KCNK13: variants seen among roughly 807,000 people sequenced by gnomAD.
KCNK13 encodes the protein potassium channel subfamily K member 13.
Under a neutral mutation model 23.4 loss-of-function variants are expected in KCNK13, and 12 were observed. That is an observed-to-expected ratio of 0.51 (90% CI 0.33 to 0.83). The LOEUF (loss-of-function observed/expected upper bound fraction) is 0.83, where lower values mean the gene tolerates loss of function less well. Ranked by LOEUF, KCNK13 falls within the 40% of genes least tolerant of loss-of-function variation. KCNK13 has a pLI of 0.02. For synonymous variants in KCNK13, 231 were observed against 229.5 expected (o/e 1.01, Z -0.06); for missense variants, 463 against 556.3 (o/e 0.83, Z 1.69).
At chr14:90,087,129 C>CATATAT (rs141670518) in intron 1 of KCNK13, among the ~76,000 whole-genome samples, 135 of 124,666 alleles carry the variant, frequency 1.1e-3, no homozygotes, top group African/African-American at 2.3e-3. Context: ...TATATATATA[C>CATATAT]ATATATATAT....
rs1199814430 is a variant in KCNK13, at chr14:90,108,109, T to A, written c.334+45570T>A. On this transcript the variant is annotated intron_variant, in intron 1 of 1. Transcript: ENST00000282146. Reference sequence around the variant, plus strand: ...GGGGCACAAACAGCTTTTTTCTTCTTTTGCCTCAGTATTTAAAAGTGGATC... The same window carrying A: ...GGGGCACAAACAGCTTTTTTCTTCTATTGCCTCAGTATTTAAAAGTGGATC... The A allele has an allele frequency of 1.2e-5, 5 of 427,316 alleles. No individual in the cohort carries two copies. The East Asian group carries it at 2.1e-4, about 18-fold the overall frequency. 26.5% of individuals were successfully genotyped at this position (427,316 alleles called of 1,614,324 possible). A position where few individuals can be genotyped will look rare whatever the true frequency, so the allele number is the denominator to read the frequency against.
At chr14:90,151,066 A>T (rs1203597630) in intron 1 of KCNK13, among the ~76,000 whole-genome samples, 1 of 152,036 alleles carries the variant, frequency 6.6e-6, no homozygotes, top group Non-Finnish European at 1.5e-5. Flanking sequence ...CACCTCCCTG[A>T]TTGTAAGTTT....
intron 1 of KCNK13, among the ~76,000 whole-genome samples, chr14:90,120,967 ATTGC>A (rs1889732578): frequency 1.3e-5 from 2 of 152,134 alleles, no homozygotes; most frequent in South Asian, 4.1e-4. Context: ...AAATACACCC[ATTGC>A]AGTCTGTAGC....
chr14:90,169,685 T>C (rs1890342729), intron 1 of KCNK13, among the ~76,000 whole-genome samples: 1 of 152,174 alleles, frequency 6.6e-6, no homozygotes. Flanking sequence ...CCTGGACCTC[T>C]CCATGGGCCT....
chr14:90,121,797 G>A lies in KCNK13; in HGVS notation c.334+59258G>A, dbSNP rs141874111. On this transcript the variant is annotated intron_variant, in intron 1 of 1. Coordinates refer to ENST00000282146, the MANE Select transcript of KCNK13 (RefSeq NM_022054.4). ...TACAGTGGCACAATCTCAGCTCACT[G>A]CAACCTCTGCCTCCCAGGTTCAAGT... 2.1e-3 allele frequency among the ~76,000 whole-genome samples: 324 copies of A among 152,222 alleles called. 4 individuals are homozygous for A. The highest frequency in any genetic ancestry group is 7.2e-3 in the African/African-American group (300 of 41,530).
chr14:90,157,159 G>T (rs1323486335), intron 1 of KCNK13, among the ~76,000 whole-genome samples: 1 of 152,208 alleles, frequency 6.6e-6, no homozygotes, highest in Non-Finnish European at 1.5e-5. Context: ...ATCAAAGATA[G>T]TTTTAAATAT....
intron 1 of KCNK13, among the ~76,000 whole-genome samples, chr14:90,145,604 A>G (rs2140430539): frequency 6.6e-6 from 1 of 152,234 alleles, no homozygotes; most frequent in South Asian, 2.1e-4. Context: ...ATGAATTGGA[A>G]AGCACTTCCT....
intron 1 of KCNK13, among the ~76,000 whole-genome samples, chr14:90,112,253 C>T (rs1889624663): frequency 6.6e-6 from 1 of 152,190 alleles, no homozygotes; most frequent in Non-Finnish European, 1.5e-5. Context: ...CAGGGACTCC[C>T]ACCCACCAAG....
At chr14:90,171,620 A>G (rs536361466) in intron 1 of KCNK13, among the ~76,000 whole-genome samples, 1 of 152,320 alleles carries the variant, frequency 6.6e-6, no homozygotes, top group South Asian at 2.1e-4. Context: ...CAATTAATAT[A>G]TGTCTGGAAA....
intron 1 of KCNK13, among the ~76,000 whole-genome samples, chr14:90,101,901 T>C (rs117709712): frequency 0.015 from 2,277 of 151,356 alleles, 37 homozygotes; most frequent in South Asian, 0.07. Flanking sequence ...CTTTTTTTTT[T>C]AAACGGAGTT....
Position 90,067,891 on chromosome 14 carries a change from G to A in KCNK13, c.334+5352G>A, listed in dbSNP as rs115928915. Among the ~76,000 whole-genome samples, 949 of 152,196 alleles carry A rather than the reference G, an allele frequency of 6.2e-3. 14 individuals carry two copies. The highest frequency in any genetic ancestry group is 0.022 in the African/African-American group (919 of 41,504). On this transcript the variant is annotated intron_variant, in intron 1 of 1. Coordinates refer to ENST00000282146, the MANE Select transcript of KCNK13 (RefSeq NM_022054.4). Reference sequence around the variant, plus strand: ...GAGGTACTCTGCATTTGACAGAGTCGGGGAAGGCTTAGGTTTTGCTGCAGT... The same window carrying A: ...GAGGTACTCTGCATTTGACAGAGTCAGGGAAGGCTTAGGTTTTGCTGCAGT...
At chr14:90,063,054 G>A (rs558623004) in intron 1 of KCNK13, among the ~76,000 whole-genome samples, 2 of 152,198 alleles carry the variant, frequency 1.3e-5, no homozygotes, top group South Asian at 4.2e-4. Context: ...GGAAGCAAAA[G>A]TGCCAATGAC....
chr14:90,168,045 T>C (rs1444986961), intron 1 of KCNK13, among the ~76,000 whole-genome samples: 2 of 152,028 alleles, frequency 1.3e-5, no homozygotes, highest in Non-Finnish European at 2.9e-5. Context: ...TACTGTACCA[T>C]CTGAAATGTT....
At chr14:90,182,756 G>C (rs1252021722) in intron 1 of KCNK13, among the ~76,000 whole-genome samples, 2 of 151,640 alleles carry the variant, frequency 1.3e-5, no homozygotes, top group African/African-American at 4.9e-5. Flanking sequence ...GGTAGTTTTA[G>C]GCTGCAGTGA....
Position 90,062,368 on chromosome 14 carries a change from G to T in KCNK13, c.163G>T (p.Glu55Ter). ...HERQAKQRWEERLANFSRGHN... is the reference protein window; with the variant it reads ...HERQAKQRWE ...GCGCCAGGCCAAGCAGCGCTGGGAG[G>T]AGCGCCTGGCCAACTTCAGCCGCGG... The change falls in exon 1 of 2, where the codon GAG becomes TAG. Residue 55 changes from glutamate (E) to a stop codon, truncating the protein, a stop_gained. Transcript: ENST00000282146. LOFTEE classifies it high-confidence loss of function. This position sits in a 1 kb window ranked among gnomAD's most constrained non-coding sequence, Gnocchi z 4.5. The T allele has an allele frequency of 6.4e-7, 1 of 1,555,278 alleles. No individual in the cohort carries two copies.
chr14:90,088,657 G>C (rs193053951), intron 1 of KCNK13, among the ~76,000 whole-genome samples: 29 of 152,346 alleles, frequency 1.9e-4, no homozygotes, highest in Admixed American at 1.4e-3. Flanking sequence ...CTCTGTGCCA[G>C]CCATTCACTG....
chr14:90,073,469 T>G (rs767322576), intron 1 of KCNK13, among the ~76,000 whole-genome samples: 1 of 152,174 alleles, frequency 6.6e-6, no homozygotes, highest in Non-Finnish European at 1.5e-5. Flanking sequence ...TATTAACTCT[T>G]GGCATGTTGG....
In KCNK13 at chr14:90,121,204, T is replaced by C. The variant is rs187187973; in HGVS notation, c.334+58665T>C. On this transcript the variant is annotated intron_variant, in intron 1 of 1. Coordinates refer to ENST00000282146, the MANE Select transcript of KCNK13 (RefSeq NM_022054.4). ...ATGCTGCAAAGAATAAGAATAATAT[T>C]TGTGCCTTATCAGAATTGCCCGTTT... 1.1e-3 allele frequency among the ~76,000 whole-genome samples: 169 copies of C among 152,306 alleles called. 1 individual carries two copies. Among genetic ancestry groups the C allele is most frequent in the Non-Finnish European group, 6.0e-4 (41 of 68,030 alleles).
At chr14:90,119,154 C>T (rs995424877) in intron 1 of KCNK13, among the ~76,000 whole-genome samples, 1 of 152,074 alleles carries the variant, frequency 6.6e-6, no homozygotes, top group African/African-American at 2.4e-5. Flanking sequence ...TAATAAATAG[C>T]CTACCAACCA....
Sources: gnomAD v4.1 joint callset for allele counts (sites outside exome capture counted in the v4.1 genomes callset) on GRCh38, gnomAD v4.1.1 for gene constraint, Gnocchi (gnomAD v3.1) non-coding constraint, MANE v1.5 for transcripts, NCBI Gene and HGNC (gene_info 2026-07-23, HGNC 2026-07-21) for gene names.